ARL8B: variants seen among roughly 807,000 people sequenced by gnomAD.
ARL8B encodes ARF like GTPase 8B.
In ARL8B, 9 loss-of-function variants were observed where a neutral mutation model predicts 30.6. The ratio of observed to expected loss-of-function variants is 0.29; its 90% CI spans 0.18 to 0.51. The LOEUF is 0.51. Ranked by LOEUF, ARL8B falls within the 20% of genes least tolerant of loss-of-function variation. The pLI, the probability that ARL8B is intolerant of heterozygous loss-of-function variation, is 0.97. For synonymous variants in ARL8B, 74 were observed against 76.0 expected (o/e 0.97, Z 0.14); for missense variants, 130 against 227.2 (o/e 0.57, Z 2.75).
intron 1 of ARL8B, among the ~76,000 whole-genome samples, chr3:5,124,295 C>A (rs2054210410): frequency 8.9e-6 from 1 of 111,988 alleles, no homozygotes; most frequent in Non-Finnish European, 1.7e-5. Flanking sequence ...CTGGTAGAGA[C>A]AAGATCTTCC....
intron 1 of ARL8B, among the ~76,000 whole-genome samples, chr3:5,155,706 C>G (rs1559282114): frequency 1.5e-5 from 2 of 137,444 alleles, no homozygotes; most frequent in Admixed American, 7.8e-5. Context: ...CCTTCGTGTT[C>G]CTCTAGTAAA....
At position 5,180,073 on chromosome 3, in the gene ARL8B, CTG is replaced by C. The variant is rs2054765476; in HGVS notation, c.*1367_*1368del. On this transcript the variant is annotated 3_prime_UTR_variant, in exon 7 of 7. Coordinates refer to ENST00000256496, the MANE Select transcript of ARL8B (RefSeq NM_018184.3). ...ACACCTGCTTATGTGTTGCCTCACA[CTG>C]TGTGTGATTTTGTTTCTTTTGTTAA... 2.0e-5 allele frequency: 3 copies of C among 152,676 alleles called. No homozygotes were observed. Among genetic ancestry groups the C allele is most frequent in the African/African-American group, 7.2e-5 (3 of 41,470 alleles). The allele number at this position is 152,676 out of a possible 1,614,324, so 9.5% of individuals were successfully genotyped here.
intron 1 of ARL8B, among the ~76,000 whole-genome samples, chr3:5,164,425 G>A (rs953612055): frequency 2.6e-5 from 4 of 152,044 alleles, no homozygotes; most frequent in Non-Finnish European, 4.4e-5. Context: ...TGTTTTATTT[G>A]GAAATTATTT....
chr3:5,137,758 C>T (rs1207184584), intron 1 of ARL8B, among the ~76,000 whole-genome samples: 1 of 151,828 alleles, frequency 6.6e-6, no homozygotes, highest in East Asian at 1.9e-4. Context: ...TTTTTAAAAA[C>T]TTTTTATTTT....
At position 5,172,729 on chromosome 3, in the gene ARL8B, C is replaced by A. The variant is rs2054686920; in HGVS notation, c.361C>A (p.Gln121Lys). 1 of 1,598,796 alleles carries A rather than the reference C, an allele frequency of 6.3e-7. No homozygotes were observed. Among genetic ancestry groups the A allele is most frequent in the Non-Finnish European group, 8.6e-7 (1 of 1,167,812 alleles). The change falls in exon 4 of 7, where the codon CAA (glutamine) becomes AAA (lysine). Residue 121 changes from glutamine (Q) to lysine (K), a missense_variant. Coordinates refer to ENST00000256496, the MANE Select transcript of ARL8B (RefSeq NM_018184.3). The stretch of plus-strand genomic sequence containing the variant: ...TAATCTTCTAGATAAACCACAGTTA[C>A]AAGGAATTCCAGTAAGTATGGAATA... ...LHNLLDKPQLQGIPVLVLGNK... is the reference protein window; with the variant it reads ...LHNLLDKPQLKGIPVLVLGNK...
chr3:5,171,776 T>C (rs1475635773), intron 2 of ARL8B, among the ~76,000 whole-genome samples: 1 of 152,278 alleles, frequency 6.6e-6, no homozygotes, highest in African/African-American at 2.4e-5. Flanking sequence ...TCTGAATTGT[T>C]GTTTTCTGTC....
At chr3:5,171,809 G>A (rs2054678874) in intron 2 of ARL8B, among the ~76,000 whole-genome samples, 1 of 152,202 alleles carries the variant, frequency 6.6e-6, no homozygotes, top group Non-Finnish European at 1.5e-5. Context: ...TCTGGATGGT[G>A]CATGGTCCTG....
chr3:5,148,904 C>T (rs2054453411), intron 1 of ARL8B, among the ~76,000 whole-genome samples: 1 of 152,162 alleles, frequency 6.6e-6, no homozygotes, highest in African/African-American at 2.4e-5. Flanking sequence ...TTGGCTCCCT[C>T]TTTGCTTTGT....
intron 1 of ARL8B, among the ~76,000 whole-genome samples, chr3:5,126,915 C>G (rs138065514): frequency 1.2e-3 from 185 of 152,188 alleles, no homozygotes; most frequent in African/African-American, 4.3e-3. Context: ...TAAAAAATAT[C>G]TAATAGGATT....
intron 1 of ARL8B, among the ~76,000 whole-genome samples, chr3:5,153,799 ATTTCT>A (rs1218265886): frequency 4.6e-5 from 7 of 151,960 alleles, no homozygotes. Flanking sequence ...TTCCTTTAAC[ATTTCT>A]TTTAGAGCAC....
At chr3:5,139,952 G>C (rs1159582501) in intron 1 of ARL8B, among the ~76,000 whole-genome samples, 1 of 151,328 alleles carries the variant, frequency 6.6e-6, no homozygotes, top group African/African-American at 2.4e-5. Context: ...CAATGGTCAG[G>C]ATAGCTTCTC....
chr3:5,166,042 CTTTT>C (rs760445533), intron 1 of ARL8B, among the ~76,000 whole-genome samples: 3 of 140,612 alleles, frequency 2.1e-5, no homozygotes, highest in Admixed American at 1.4e-4. Context: ...CTTAAGATAT[CTTTT>C]TTTTTTTTTT....
chr3:5,154,792 CCT>C (rs1358310311), intron 1 of ARL8B, among the ~76,000 whole-genome samples: 1 of 152,196 alleles, frequency 6.6e-6, no homozygotes, highest in African/African-American at 2.4e-5. Context: ...CTCACTGCAA[CCT>C]CTGCCTCCGG....
chr3:5,133,623 T>G (rs973522198), intron 1 of ARL8B, among the ~76,000 whole-genome samples: 2 of 151,928 alleles, frequency 1.3e-5, no homozygotes, highest in Non-Finnish European at 2.9e-5. Flanking sequence ...AGGGATGATT[T>G]GAGTATAAAT....
rs749158799 is a variant in ARL8B, at chr3:5,172,102, A to G, written c.205-48A>G. ...TTTTCTGTTACTTCCTCTTGCAATC[A>G]TTTAATTAAAATATCTTTATTAAGA... On this transcript the variant is annotated intron_variant, in intron 2 of 6. Transcript: ENST00000256496. 4.7e-6 allele frequency: 7 copies of G among 1,501,826 alleles called. No homozygotes were observed. The Admixed American group carries it at 8.8e-5, about 19-fold the overall frequency. 93.0% of individuals were successfully genotyped at this position (1,501,826 alleles called of 1,614,324 possible).
chr3:5,169,864 A>G (rs2054656190), intron 1 of ARL8B, among the ~76,000 whole-genome samples: 1 of 152,262 alleles, frequency 6.6e-6, no homozygotes, highest in African/African-American at 2.4e-5. Flanking sequence ...AACAGTTAAA[A>G]GAGGCACAAT....
chr3:5,152,592 C>T (rs968332558), intron 1 of ARL8B, among the ~76,000 whole-genome samples: 2 of 152,186 alleles, frequency 1.3e-5, no homozygotes, highest in Non-Finnish European at 2.9e-5. Context: ...TTAAACAATC[C>T]TCCCACCTCA....
intron 1 of ARL8B, among the ~76,000 whole-genome samples, chr3:5,130,167 G>T (rs1167778132): frequency 1.3e-5 from 2 of 150,388 alleles, no homozygotes; most frequent in Admixed American, 1.3e-4. Context: ...CCTGACCAAG[G>T]TCATATTCTC....
chr3:5,153,879 TAATTCC>T (rs2054509499), intron 1 of ARL8B, among the ~76,000 whole-genome samples: 10 of 152,212 alleles, frequency 6.6e-5, no homozygotes, highest in Non-Finnish European at 1.2e-4. Flanking sequence ...TTTATGACCT[TAATTCC>T]TAAAAGATAT....
Sources: allele counts gnomAD v4.1 joint callset (sites outside exome capture counted in the v4.1 genomes callset), GRCh38; gene constraint gnomAD v4.1.1; transcripts MANE v1.5; gene names NCBI Gene and HGNC (gene_info 2026-07-23, HGNC 2026-07-21).